Variants in CLMN observed in about 807,000 individuals in gnomAD.
The protein encoded by CLMN is calmin (calponin-like, transmembrane).
In CLMN, 57 loss-of-function variants were observed where a neutral mutation model predicts 92.7. That is an observed-to-expected ratio of 0.61 (90% confidence interval 0.50 to 0.77). CLMN has a LOEUF of 0.77. Among genes scored for constraint, CLMN ranks in the 30% least tolerant of loss-of-function variants. CLMN has a pLI of 0.00. For synonymous variants in CLMN, 466 were observed against 470.6 expected (o/e 0.99, Z 0.13); for missense variants, 1,158 against 1,237.5 (o/e 0.94, Z 0.96).
At chr14:95,252,160 C>T (rs549875639) in intron 1 of CLMN, among the ~76,000 whole-genome samples, 15 of 152,152 alleles carry the variant, frequency 9.9e-5, no homozygotes, top group East Asian at 3.9e-4. Flanking sequence ...CAGCTGAAGT[C>T]GGGCAGCAAC....
chr14:95,315,489 A>G (rs555803595), intron 1 of CLMN, among the ~76,000 whole-genome samples: 42 of 152,296 alleles, frequency 2.8e-4, no homozygotes, highest in African/African-American at 9.4e-4. Flanking sequence ...GCGGAGTCCA[A>G]GTTCGCATGA....
Position 95,231,963 on chromosome 14 carries a change from C to T in CLMN, c.83-1830G>A, listed in dbSNP as rs767902976. On this transcript the variant is annotated intron_variant, in intron 1 of 12. Transcript: ENST00000298912. ...TTATGACCTTCAGATGGGACAATCGCGCCCAGGGAGATGTTGTAACTTGTC... is the reference window on the plus strand; with the variant it reads ...TTATGACCTTCAGATGGGACAATCGTGCCCAGGGAGATGTTGTAACTTGTC... Among the ~76,000 whole-genome samples, 12 of 152,324 alleles carry T rather than the reference C, an allele frequency of 7.9e-5. No homozygotes were observed. The South Asian group carries it at 8.3e-4, about 11-fold the overall frequency.
rs1484964925 is a variant in CLMN at position 95,182,383 on chromosome 14, G to T, written c.*9181C>A. On this transcript the variant is annotated 3_prime_UTR_variant, in exon 13 of 13. Transcript: ENST00000298912. ...AATGATCACCACCCACTACAATATG[G>T]TCTGAACAATCTCCTGTCTCCAAGT... 1 of 152,218 alleles carries T rather than the reference G, an allele frequency of 6.6e-6. No individual in the cohort carries two copies. Among genetic ancestry groups the T allele is most frequent in the African/African-American group, 2.4e-5 (1 of 41,450 alleles). 9.4% of individuals were successfully genotyped at this position (152,218 alleles called of 1,614,324 possible). A position where few individuals can be genotyped will look rare whatever the true frequency, so the allele number is the denominator to read the frequency against.
chr14:95,307,612 T>A (rs1299196943), intron 1 of CLMN: 2 of 152,296 alleles, frequency 1.3e-5, no homozygotes, highest in Non-Finnish European at 2.9e-5. Context: ...ATACAGGCCA[T>A]TGCCCGGGGC....
At chr14:95,288,247 G>C (rs1403835843) in intron 1 of CLMN, among the ~76,000 whole-genome samples, 1 of 152,172 alleles carries the variant, frequency 6.6e-6, no homozygotes, top group Non-Finnish European at 1.5e-5. Flanking sequence ...CTGCAAACCA[G>C]AGTTGCAACA....
intron 1 of CLMN, among the ~76,000 whole-genome samples, chr14:95,257,403 T>A (rs1307500940): frequency 6.6e-6 from 1 of 152,240 alleles, no homozygotes; most frequent in Non-Finnish European, 1.5e-5. Context: ...TTCATTGACA[T>A]AGACCCTGCA....
intron 1 of CLMN, among the ~76,000 whole-genome samples, chr14:95,290,105 A>G (rs1319130541): frequency 6.6e-6 from 1 of 152,202 alleles, no homozygotes; most frequent in Non-Finnish European, 1.5e-5. Context: ...TGAAAGACAA[A>G]TTGCCTCCAA....
chr14:95,200,562 T>C (rs962075828), intron 9 of CLMN, among the ~76,000 whole-genome samples: 7 of 152,136 alleles, frequency 4.6e-5, no homozygotes, highest in African/African-American at 1.7e-4. Context: ...GGATCCCCAG[T>C]GCCGTAGCAG....
intron 1 of CLMN, among the ~76,000 whole-genome samples, chr14:95,302,067 A>G (rs1423675949): frequency 6.6e-6 from 1 of 152,152 alleles, no homozygotes; most frequent in Non-Finnish European, 1.5e-5. Context: ...AAAGAAAGGA[A>G]GCAGGTGGAT....
rs371762684 is a variant in CLMN, at chr14:95,210,557, T to C, written c.802+129A>G. ...CGGAAAAATATCCATATGATCTGAG[T>C]GGTAGAAATATAGGAGAAAAAATCT... On this transcript the variant is annotated intron_variant, in intron 7 of 12. Transcript: ENST00000298912. 129 of 826,554 alleles carry C rather than the reference T, an allele frequency of 1.6e-4. No individual in the cohort carries two copies. In the East Asian group the frequency reaches 3.0e-3, roughly 19 times the overall value. The allele number at this position is 826,554 out of a possible 1,614,324, so 51.2% of individuals were successfully genotyped here. A position where few individuals can be genotyped will look rare whatever the true frequency, so the allele number is the denominator to read the frequency against.
chr14:95,306,843 G>A (rs1470098232), intron 1 of CLMN, among the ~76,000 whole-genome samples: 2 of 152,152 alleles, frequency 1.3e-5, no homozygotes, highest in African/African-American at 4.8e-5. Flanking sequence ...GCAGATTTGA[G>A]GTTAAAGGAG....
chr14:95,298,152 G>A (rs971099487), intron 1 of CLMN, among the ~76,000 whole-genome samples: 24 of 151,792 alleles, frequency 1.6e-4, no homozygotes, highest in African/African-American at 5.8e-4. Context: ...CACCCCACCC[G>A]GCTGCCACCA....
intron 5 of CLMN, among the ~76,000 whole-genome samples, chr14:95,214,105 T>C (rs764321444): frequency 1.3e-5 from 2 of 151,908 alleles, no homozygotes; most frequent in African/African-American, 4.8e-5. Context: ...TTCTACCATA[T>C]AGGATTGACT....
intron 1 of CLMN, among the ~76,000 whole-genome samples, chr14:95,291,744 G>A (rs576160399): frequency 6.6e-6 from 1 of 152,248 alleles, no homozygotes; most frequent in Non-Finnish European, 1.5e-5. Context: ...AAGAATGAAC[G>A]TGCAAGGAGG....
intron 1 of CLMN, among the ~76,000 whole-genome samples, chr14:95,233,915 G>A (rs1450046179): frequency 1.3e-5 from 2 of 152,348 alleles, no homozygotes; most frequent in East Asian, 3.9e-4. Context: ...AGAGGCAGAT[G>A]GGGCTGACAG....
intron 1 of CLMN, among the ~76,000 whole-genome samples, chr14:95,236,989 T>C (rs528379617): frequency 6.6e-6 from 1 of 152,190 alleles, no homozygotes; most frequent in Non-Finnish European, 1.5e-5. Context: ...ACGAGGCCTC[T>C]ATGGGATAAA....
At chr14:95,226,628 G>A (rs1294609137) in intron 2 of CLMN, among the ~76,000 whole-genome samples, 2 of 151,874 alleles carry the variant, frequency 1.3e-5, no homozygotes, top group African/African-American at 4.8e-5. Context: ...CCAGGCTGGA[G>A]TGCAGTGGCA....
chr14:95,216,656 G>A (rs1400902249), intron 4 of CLMN, among the ~76,000 whole-genome samples: 3 of 152,178 alleles, frequency 2.0e-5, no homozygotes, highest in African/African-American at 7.2e-5. Context: ...CTGGGATAAG[G>A]TTTATACCCA....
chr14:95,291,313 C>T (rs1474588078), intron 1 of CLMN, among the ~76,000 whole-genome samples: 4 of 152,140 alleles, frequency 2.6e-5, no homozygotes, highest in African/African-American at 7.2e-5. Context: ...CTAGCCATGG[C>T]GATGGCCTGT....
Sources: gnomAD v4.1 joint callset for allele counts (sites outside exome capture counted in the v4.1 genomes callset) on GRCh38, gnomAD v4.1.1 for gene constraint, MANE v1.5 for transcripts, NCBI Gene and HGNC (gene_info 2026-07-23, HGNC 2026-07-21) for gene names.